The following CLNK variants were observed in gnomAD, a reference collection of about 807,000 sequenced individuals.
CLNK encodes cytokine dependent hematopoietic cell linker, also known as cytokine-dependent hematopoietic cell linker.
CLNK carries 74 observed loss-of-function variants against 68.6 expected under a neutral mutation model. That is an observed-to-expected ratio of 1.08 (90% confidence interval 0.89 to 1.31). The LOEUF (loss-of-function observed/expected upper bound fraction) is 1.31. Ranked by LOEUF, CLNK falls within the 50% of genes most tolerant of loss-of-function variation. The pLI, the probability that CLNK is intolerant of heterozygous loss-of-function variation, is 0.00. For missense variants in CLNK, 553 were observed against 515.3 expected (o/e 1.07, Z -0.71); for synonymous variants, 198 against 172.2 (o/e 1.15, Z -1.17).
At chr4:10,583,052 C>T (rs1720838996) in intron 4 of CLNK, among the ~76,000 whole-genome samples, 1 of 152,198 alleles carries the variant, frequency 6.6e-6, no homozygotes, top group African/African-American at 2.4e-5. Flanking sequence ...AACGCCCTCT[C>T]CTGTTTTCAA....
chr4:10,535,522 C>T (rs181066919), intron 11 of CLNK, among the ~76,000 whole-genome samples: 144 of 152,202 alleles, frequency 9.5e-4, no homozygotes, highest in African/African-American at 3.2e-3. Flanking sequence ...TGTGTAGTTA[C>T]GACTCAGAAA....
At chr4:10,544,476 T>C (rs1719149980) in intron 8 of CLNK, among the ~76,000 whole-genome samples, 1 of 152,158 alleles carries the variant, frequency 6.6e-6, no homozygotes, top group Non-Finnish European at 1.5e-5. Context: ...TAAATAAACG[T>C]TCATGGGTGA....
chr4:10,523,494 C>G (rs1242882605), intron 14 of CLNK, among the ~76,000 whole-genome samples: 1 of 152,040 alleles, frequency 6.6e-6, no homozygotes, highest in Non-Finnish European at 1.5e-5. Flanking sequence ...CTGACGAATA[C>G]CAACATTTGG....
chr4:10,540,428 C>T lies in CLNK; in HGVS notation c.602+66G>A. On this transcript the variant is annotated intron_variant, in intron 11 of 18. Coordinates refer to ENST00000226951, the MANE Select transcript of CLNK (RefSeq NM_052964.4). The stretch of plus-strand genomic sequence containing the variant: ...TCTGAAAGGTACTTTGTTTGGTTTC[C>T]CTTGTCCCCCTCCCCCACACCCACA... 11 of 1,245,936 alleles carry T rather than the reference C, an allele frequency of 8.8e-6. No homozygotes were observed. The South Asian group carries it at 1.3e-4, about 15-fold the overall frequency. 77.2% of individuals were successfully genotyped at this position (1,245,936 alleles called of 1,614,324 possible).
chr4:10,655,272 G>A lies in CLNK; in HGVS notation c.11+12587C>T, dbSNP rs78168661. Among the ~76,000 whole-genome samples the A allele has an allele frequency of 3.1e-3, 463 of 150,242 alleles. 2 individuals carry two copies. Among genetic ancestry groups the A allele is most frequent in the African/African-American group, 0.011 (443 of 40,676 alleles). ...CTAGAGAACCCAACGTCATAAAGAT[G>A]TCATTTATCTTCTAAGTTATCTGTA... On this transcript the variant is annotated intron_variant, in intron 2 of 18. Coordinates refer to ENST00000226951, the MANE Select transcript of CLNK (RefSeq NM_052964.4).
At chr4:10,491,715 T>C (rs1384201341) in intron 18 of CLNK, among the ~76,000 whole-genome samples, 1 of 152,132 alleles carries the variant, frequency 6.6e-6, no homozygotes, top group African/African-American at 2.4e-5. Context: ...AAGCAGAGAA[T>C]GTACAGGACC....
intron 4 of CLNK, among the ~76,000 whole-genome samples, chr4:10,572,996 T>C (rs1304080840): frequency 3.3e-5 from 5 of 152,066 alleles, no homozygotes; most frequent in Admixed American, 6.5e-5. Context: ...ACCCAGCTAA[T>C]TTTTTGTATT....
At chr4:10,548,296 T>A (rs1389637153) in intron 8 of CLNK, among the ~76,000 whole-genome samples, 1 of 152,190 alleles carries the variant, frequency 6.6e-6, no homozygotes, top group Non-Finnish European at 1.5e-5. Flanking sequence ...GCTACCTGTA[T>A]TTCCTCCCTG....
At chr4:10,613,898 G>A (rs777935999) in intron 2 of CLNK, among the ~76,000 whole-genome samples, 53 of 152,208 alleles carry the variant, frequency 3.5e-4, no homozygotes, top group Non-Finnish European at 3.1e-4. Context: ...ACAACCTGCA[G>A]GATAGGTTCT....
At chr4:10,610,143 G>A (rs1426254044) in intron 2 of CLNK, among the ~76,000 whole-genome samples, 2 of 127,028 alleles carry the variant, frequency 1.6e-5, no homozygotes, top group African/African-American at 2.9e-5. Context: ...TGCAAGCTCC[G>A]CCTTCCGGGT....
chr4:10,658,213 C>T (rs1280747694), intron 2 of CLNK, among the ~76,000 whole-genome samples: 2 of 152,226 alleles, frequency 1.3e-5, no homozygotes, highest in African/African-American at 4.8e-5. Flanking sequence ...GCATCCTGCT[C>T]ACCCACTATC....
the CLNK span, among the ~76,000 whole-genome samples, chr4:10,708,095 C>T: frequency 3.3e-5 from 5 of 152,086 alleles, no homozygotes; most frequent in African/African-American, 2.4e-5. Flanking sequence ...TATGAGATTC[C>T]CAATGACAGG....
intron 2 of CLNK, among the ~76,000 whole-genome samples, chr4:10,661,997 C>T (rs748042920): frequency 1.3e-5 from 2 of 152,178 alleles, no homozygotes; most frequent in Non-Finnish European, 2.9e-5. Context: ...ACCATCAAAA[C>T]TCTTTCCAAA....
the CLNK span, among the ~76,000 whole-genome samples, chr4:10,716,747 G>C: frequency 6.7e-6 from 1 of 149,556 alleles, no homozygotes. Flanking sequence ...AGGCTGGAAT[G>C]TAATGGTGTG....
intron 4 of CLNK, among the ~76,000 whole-genome samples, chr4:10,580,478 A>G (rs1253467627): frequency 2.6e-5 from 4 of 152,192 alleles, no homozygotes; most frequent in Admixed American, 1.3e-4. Context: ...TTGTTATCCT[A>G]GTAGATGACA....
chr4:10,622,984 C>A (rs1390881786), intron 2 of CLNK, among the ~76,000 whole-genome samples: 1 of 152,202 alleles, frequency 6.6e-6, no homozygotes, highest in East Asian at 1.9e-4. Context: ...TCATCTGAGC[C>A]CATTTATGTC....
the CLNK span, among the ~76,000 whole-genome samples, chr4:10,723,919 A>AGAGAGAGAGATCG: frequency 4.1e-5 from 6 of 148,020 alleles, no homozygotes; most frequent in Admixed American, 6.7e-5. Context: ...AGAGAGAGAG[A>AGAGAGAGAGATCG]AGGCAGGGCA....
At chr4:10,683,028 G>T (rs1725148939) in intron 1 of CLNK, among the ~76,000 whole-genome samples, 1 of 152,142 alleles carries the variant, frequency 6.6e-6, no homozygotes. Context: ...CTGAATACTT[G>T]CTAAGTGTTA....
intron 10 of CLNK, among the ~76,000 whole-genome samples, chr4:10,541,788 A>G (rs957945633): frequency 5.3e-5 from 8 of 152,166 alleles, no homozygotes; most frequent in African/African-American, 1.4e-4. Context: ...GAGTGAAGGT[A>G]TATTGAATAG....
Sources: allele counts gnomAD v4.1 joint callset (sites outside exome capture counted in the v4.1 genomes callset), GRCh38; gene constraint gnomAD v4.1.1; transcripts MANE v1.5; gene names NCBI Gene and HGNC (gene_info 2026-07-23, HGNC 2026-07-21).